Variants in RPAP2 observed in about 807,000 individuals in gnomAD.
RPAP2 encodes putative RNA polymerase II subunit B1 CTD phosphatase RPAP2.
RPAP2 carries 52 observed loss-of-function variants against 73.1 expected under a neutral mutation model. The observed-to-expected ratio is 0.71, with a 90% CI of 0.57 to 0.90. The LOEUF (loss-of-function observed/expected upper bound fraction) is 0.90, where lower values mean the gene tolerates loss of function less well. RPAP2 is among the 40% of genes least tolerant of loss of function. RPAP2 has a pLI of 0.00. For missense variants in RPAP2, 598 were observed against 701.8 expected (o/e 0.85, Z 1.67); for synonymous variants, 225 against 242.1 (o/e 0.93, Z 0.65).
chr1:92,346,049 T>TC, intron 11 of RPAP2, 135 bp downstream of exon 11: 1 of 552,962 alleles, frequency 1.8e-6, no homozygotes, highest in Non-Finnish European at 3.2e-6. Flanking sequence ...TATTTTCCTT[T>TC]CCTATGTAAG....
chr1:92,308,378 CT>C (rs1167291367), intron 6 of RPAP2, among the ~76,000 whole-genome samples: 5 of 152,162 alleles, frequency 3.3e-5, no homozygotes, highest in African/African-American at 1.2e-4. Context: ...GCTAAGAGTA[CT>C]TTTTTACTTA....
intron 11 of RPAP2, among the ~76,000 whole-genome samples, chr1:92,379,604 C>A (rs548323745): frequency 4.6e-5 from 7 of 152,104 alleles, no homozygotes; most frequent in African/African-American, 1.7e-4. Context: ...GTATGAAGTG[C>A]CTTACAAGAC....
rs1210832059 is a variant in RPAP2, at chr1:92,391,498, C to A, written c.*4487C>A. On this transcript the variant is annotated 3_prime_UTR_variant, in exon 13 of 13. Coordinates refer to ENST00000610020, the MANE Select transcript of RPAP2 (RefSeq NM_024813.3). Reference sequence around the variant, plus strand: ...CTAGAGAAGCAAGACCAAACAAATTCAAAAGCTAGCAGAAGGCAAGAAATA... The same window carrying A: ...CTAGAGAAGCAAGACCAAACAAATTAAAAAGCTAGCAGAAGGCAAGAAATA... 1 of 152,154 alleles carries A rather than the reference C, an allele frequency of 6.6e-6. No individual in the cohort carries two copies. The highest frequency in any genetic ancestry group is 2.1e-4 in the South Asian group (1 of 4,830). 9.4% of individuals were successfully genotyped at this position (152,154 alleles called of 1,614,324 possible).
At chr1:92,386,902 G>A in intron 12 of RPAP2, 109 bp from the exon 13 acceptor site, 1 of 764,536 alleles carries the variant, frequency 1.3e-6, no homozygotes, top group Non-Finnish European at 2.0e-6. Flanking sequence ...AGTAGAGATG[G>A]GGGTTTCACC....
intron 12 of RPAP2, among the ~76,000 whole-genome samples, chr1:92,382,490 T>G (rs574964196): frequency 1.5e-3 from 229 of 152,282 alleles, no homozygotes; most frequent in African/African-American, 5.2e-3. Flanking sequence ...TATCTCATTG[T>G]GGTTTTGATT....
In RPAP2 at chr1:92,392,716, T is replaced by C. The variant is rs533554426; in HGVS notation, c.*5705T>C. The C allele has an allele frequency of 2.6e-5, 4 of 152,214 alleles. No individual in the cohort carries two copies. The highest frequency in any genetic ancestry group is 2.6e-4 in the Admixed American group (4 of 15,274). The allele number at this position is 152,214 out of a possible 1,614,324, so 9.4% of individuals were successfully genotyped here. A position where few individuals can be genotyped will look rare whatever the true frequency, so the allele number is the denominator to read the frequency against. ...AGGATACAAAATCGGTGTGCAAAAA[T>C]CACAAGCATTCCTATATACCAATAA... On this transcript the variant is annotated 3_prime_UTR_variant, in exon 13 of 13. Transcript: ENST00000610020.
intron 1 of RPAP2, 69 bp from the exon 2 acceptor site, chr1:92,300,125 G>A (rs1349516504): frequency 6.7e-6 from 7 of 1,039,374 alleles, no homozygotes; most frequent in South Asian, 1.3e-5. Flanking sequence ...TTATGAGACC[G>A]CTGTCTGTAT....
At chr1:92,348,569 T>C (rs1328267746) in intron 11 of RPAP2, among the ~76,000 whole-genome samples, 1 of 152,178 alleles carries the variant, frequency 6.6e-6, no homozygotes, top group African/African-American at 2.4e-5. Flanking sequence ...AAGACTTCTG[T>C]CTCCTGCCCC....
chr1:92,321,393 T>G (rs1013808100), intron 7 of RPAP2, among the ~76,000 whole-genome samples: 1 of 152,162 alleles, frequency 6.6e-6, no homozygotes, highest in African/African-American at 2.4e-5. Context: ...AACTAAAAGA[T>G]GGTATCTAAG....
intron 11 of RPAP2, among the ~76,000 whole-genome samples, chr1:92,368,796 A>G (rs1318853765): frequency 6.6e-6 from 1 of 152,238 alleles, no homozygotes; most frequent in Non-Finnish European, 1.5e-5. Context: ...TTTGATGTGT[A>G]GCATATGTGG....
chr1:92,401,784 A>G lies in RPAP2; in HGVS notation c.*14773A>G, dbSNP rs1656323018. Reference sequence around the variant, plus strand: ...TTTGTCAAAGGCTTTTAATGCATCTATGGAGATGATCCAAGTTTTTTTCCT... The same window carrying G: ...TTTGTCAAAGGCTTTTAATGCATCTGTGGAGATGATCCAAGTTTTTTTCCT... On this transcript the variant is annotated 3_prime_UTR_variant, in exon 13 of 13. Coordinates refer to ENST00000610020, the MANE Select transcript of RPAP2 (RefSeq NM_024813.3). The G allele has an allele frequency of 6.6e-6, 1 of 152,234 alleles. No homozygotes were observed. The highest frequency in any genetic ancestry group is 2.1e-4 in the South Asian group (1 of 4,838). 9.4% of individuals were successfully genotyped at this position (152,234 alleles called of 1,614,324 possible).
intron 10 of RPAP2, among the ~76,000 whole-genome samples, chr1:92,344,834 CT>C (rs1653795604): frequency 6.6e-6 from 1 of 152,120 alleles, no homozygotes; most frequent in Non-Finnish European, 1.5e-5. Flanking sequence ...TGAGATTGAG[CT>C]TTTCAAATTT....
chr1:92,381,816 A>T (rs987596003), intron 12 of RPAP2, among the ~76,000 whole-genome samples: 8 of 151,764 alleles, frequency 5.3e-5, no homozygotes, highest in Middle Eastern at 3.2e-3. Flanking sequence ...CATGTGCACA[A>T]TGTGCAGGTT....
intron 11 of RPAP2, among the ~76,000 whole-genome samples, chr1:92,380,412 C>T (rs1389185538): frequency 2.0e-5 from 3 of 152,164 alleles, no homozygotes; most frequent in Admixed American, 6.5e-5. Context: ...AACTCCTTTT[C>T]GTAACCTCCC....
chr1:92,354,433 G>C (rs1451971485), intron 11 of RPAP2, among the ~76,000 whole-genome samples: 1 of 152,134 alleles, frequency 6.6e-6, no homozygotes, highest in East Asian at 1.9e-4. Context: ...GTCACAAACA[G>C]GAATTAGATA....
chr1:92,307,955 A>G (rs970341257), intron 6 of RPAP2, among the ~76,000 whole-genome samples: 1 of 152,194 alleles, frequency 6.6e-6, no homozygotes, highest in African/African-American at 2.4e-5. Flanking sequence ...AAATAAATTC[A>G]TGTTTGAAAG....
chr1:92,323,717 C>CA lies in RPAP2; in HGVS notation c.798dup (p.Val267SerfsTer6), dbSNP rs778498079. 6.2e-7 allele frequency: 1 copy of CA among 1,614,112 alleles called. No individual in the cohort carries two copies. Among genetic ancestry groups the CA allele is most frequent in the East Asian group, 2.2e-5 (1 of 44,870 alleles). ...TCCAAACACAAAGACAAAGAACAGA[C>CA]AGTAGTAGATGTCACTGAGCAGTTA... On this transcript the variant is annotated frameshift_variant, in exon 8 of 13. Transcript: ENST00000610020. LOFTEE classifies it high-confidence loss of function.
rs1656221290 is a variant in RPAP2, at chr1:92,397,841, G to C, written c.*10830G>C. 6.6e-6 allele frequency: 1 copy of C among 152,256 alleles called. No individual in the cohort carries two copies. The highest frequency in any genetic ancestry group is 1.5e-5 in the Non-Finnish European group (1 of 68,088). The allele number at this position is 152,256 out of a possible 1,614,324, so 9.4% of individuals were successfully genotyped here. On this transcript the variant is annotated 3_prime_UTR_variant, in exon 13 of 13. Coordinates refer to ENST00000610020, the MANE Select transcript of RPAP2 (RefSeq NM_024813.3). Reference sequence around the variant, plus strand: ...AAAACAAAAGGATAGAAGCATGTCAGACAGACACAGGAGCCAATCTGAAAG... The same window carrying C: ...AAAACAAAAGGATAGAAGCATGTCACACAGACACAGGAGCCAATCTGAAAG...
chr1:92,306,862 A>C lies in RPAP2; in HGVS notation c.400-326A>C, dbSNP rs113079626. 6.4e-4 allele frequency among the ~76,000 whole-genome samples: 98 copies of C among 152,334 alleles called. 4 individuals are homozygous for C. The highest frequency in any genetic ancestry group is 6.4e-3 in the South Asian group (31 of 4,830). ...TAAGAATGTATAACAATATTATTCC[A>C]TTCAAAAAAATGTTTAAAAATAGGC... On this transcript the variant is annotated intron_variant, in intron 5 of 12. Coordinates refer to ENST00000610020, the MANE Select transcript of RPAP2 (RefSeq NM_024813.3).
Sources: gnomAD v4.1 joint callset for allele counts (sites outside exome capture counted in the v4.1 genomes callset) on GRCh38, gnomAD v4.1.1 for gene constraint, MANE v1.5 for transcripts, NCBI Gene and HGNC (gene_info 2026-07-23, HGNC 2026-07-21) for gene names.